Variants in CRYBG2 observed in about 807,000 individuals in gnomAD.
CRYBG2 encodes crystallin beta-gamma domain containing 2.
Under a neutral mutation model 153.4 loss-of-function variants are expected in CRYBG2, and 106 were observed. The observed-to-expected ratio is 0.69, with a 90% CI of 0.59 to 0.81. The LOEUF (loss-of-function observed/expected upper bound fraction) is 0.81. CRYBG2 is among the 30% of genes least tolerant of loss of function. CRYBG2 has a pLI of 0.00. For synonymous variants in CRYBG2, 851 were observed against 877.8 expected (o/e 0.97, Z 0.54); for missense variants, 1,996 against 2,112.0 (o/e 0.95, Z 1.08).
Position 26,337,949 on chromosome 1 carries a change from A to G in CRYBG2, c.3507+63T>C. 4 of 1,582,476 alleles carry G rather than the reference A, an allele frequency of 2.5e-6. No homozygotes were observed. In the South Asian group the frequency reaches 4.6e-5, roughly 18 times the overall value. ...CTCTGGATTTCCTGTCCAGACCACG[A>G]TAACCAAACACCTGCACCCCGCCAC... On this transcript the variant is annotated intron_variant, in intron 8 of 19. Transcript: ENST00000308182.
At chr1:26,337,468 A>T in intron 9 of CRYBG2, 70 bp downstream of exon 9, 1 of 1,602,122 alleles carries the variant, frequency 6.2e-7, no homozygotes, top group Non-Finnish European at 8.5e-7. Flanking sequence ...TACGCAGCCC[A>T]GGTCACTCCC....
rs2124031763 is a variant in CRYBG2 at position 26,345,913 on chromosome 1, G to A, written c.745C>T (p.Pro249Ser). 6.3e-7 allele frequency: 1 copy of A among 1,597,248 alleles called. No homozygotes were observed. Residue 249 changes from proline (P) to serine (S), a missense_variant, in exon 2 of 20, where the codon CCT becomes TCT. By Grantham distance (74) the Pro-to-Ser change is moderately conservative. Coordinates refer to ENST00000308182, the MANE Select transcript of CRYBG2 (RefSeq NM_001039775.4). Reference sequence around the variant, plus strand: ...GTGGGCCTGGGCAGGTGACTGGCAGGGGGGCTGTGCCCAGCAGGCACGAGG... The same window carrying A: ...GTGGGCCTGGGCAGGTGACTGGCAGAGGGGCTGTGCCCAGCAGGCACGAGG... The part of the protein sequence containing the change: ...SNLVPAGHSP[P>S]ASHLPRPTAG...
chr1:26,324,270 C>T lies in CRYBG2; in HGVS notation c.4619G>A (p.Gly1540Glu), dbSNP rs374670768. The change falls in exon 18 of 20, where the codon GGA (glycine) becomes GAA (glutamate). Residue 1540 changes from glycine to glutamate, a missense_variant. By Grantham distance (98) the Gly-to-Glu change is moderately conservative. Transcript: ENST00000308182. ...CACATGGTCCGGCACTGCCAGGAAT[C>T]CCCCCAGTGCTGCATTCCAGAGGCG... The part of the protein sequence containing the change: ...YFRLWNAALG[G>E]FLAVPDHVED... 24 of 1,610,608 alleles carry T rather than the reference C, an allele frequency of 1.5e-5. No homozygotes were observed. The highest frequency in any genetic ancestry group is 5.5e-5 in the South Asian group (5 of 91,058).
chr1:26,323,152 C>T (rs1244385745), intron 18 of CRYBG2, among the ~76,000 whole-genome samples: 1 of 151,382 alleles, frequency 6.6e-6, no homozygotes, highest in Non-Finnish European at 1.5e-5. Context: ...GTGATCATAG[C>T]TTACCGCAGC....
At chr1:26,323,710 C>T (rs1185649116) in intron 18 of CRYBG2, among the ~76,000 whole-genome samples, 1 of 152,002 alleles carries the variant, frequency 6.6e-6, no homozygotes, top group Non-Finnish European at 1.5e-5. Flanking sequence ...CCTCTAACTC[C>T]TGGGCTCAAG....
At chr1:26,330,610 C>T (rs1443559270) in intron 15 of CRYBG2, among the ~76,000 whole-genome samples, 7 of 138,482 alleles carry the variant, frequency 5.1e-5, no homozygotes, top group Non-Finnish European at 1.1e-4. Flanking sequence ...GTTATCAGGG[C>T]TAACTGCAAC....
rs564566643 is a variant in CRYBG2 at position 26,324,316 on chromosome 1, G to A, written c.4579-6C>T. 1.1e-4 allele frequency: 175 copies of A among 1,600,060 alleles called. No homozygotes were observed. Among genetic ancestry groups the A allele is most frequent in the Middle Eastern group, 9.9e-4 (6 of 6,044 alleles). On this transcript the variant is annotated splice_region_variant and splice_polypyrimidine_tract_variant and intron_variant, in intron 17 of 19. Coordinates refer to ENST00000308182, the MANE Select transcript of CRYBG2 (RefSeq NM_001039775.4). ...AGGCGGAAATAAACCCGGCGCTGGT[G>A]GCAGAAAGAGGCTGAGAGTCAGGGG...
intron 1 of CRYBG2, among the ~76,000 whole-genome samples, chr1:26,352,812 C>A (rs929700488): frequency 6.7e-6 from 1 of 149,630 alleles, no homozygotes; most frequent in Admixed American, 6.6e-5. Context: ...CTCTCTGCAG[C>A]CCTTGTCCCC....
chr1:26,341,042 T>G, intron 5 of CRYBG2, among the ~76,000 whole-genome samples: 1 of 151,768 alleles, frequency 6.6e-6, no homozygotes, highest in Non-Finnish European at 1.5e-5. Flanking sequence ...ATTCTTTCAT[T>G]AGAAACGAAA....
chr1:26,331,399 C>G, intron 15 of CRYBG2, 90 bp downstream of exon 15: 2 of 1,538,378 alleles, frequency 1.3e-6, no homozygotes, highest in Admixed American at 3.5e-5. Context: ...GGAATCAACC[C>G]CTGCACCAGC....
Position 26,346,145 on chromosome 1 carries a change from T to C in CRYBG2, c.513A>G (p.Glu171=), listed in dbSNP as rs749567046. The C allele has an allele frequency of 1.3e-6, 2 of 1,558,846 alleles. No individual in the cohort carries two copies. The highest frequency in any genetic ancestry group is 1.7e-6 in the Non-Finnish European group (2 of 1,157,526). Reference sequence around the variant, plus strand: ...TCCGCACAGTGCGTGTCACTCGGTATTCCTCGAGGCTCCGGGAGCTACCAC... The same window carrying C: ...TCCGCACAGTGCGTGTCACTCGGTACTCCTCGAGGCTCCGGGAGCTACCAC... ...LTSGSSRSLE[E]YRVTRTVRTT... Residue 171 remains glutamate (E), a synonymous_variant, in exon 2 of 20, where the codon GAA becomes GAG. Coordinates refer to ENST00000308182, the MANE Select transcript of CRYBG2 (RefSeq NM_001039775.4). This position sits in a 1 kb window ranked among gnomAD's most constrained non-coding sequence, Gnocchi z 4.9.
intron 15 of CRYBG2, among the ~76,000 whole-genome samples, chr1:26,329,871 A>T (rs924742300): frequency 4.6e-5 from 7 of 152,106 alleles, no homozygotes; most frequent in Admixed American, 4.6e-4. Flanking sequence ...TCAGCCTCCC[A>T]AGTAGCTGGG....
At position 26,345,402 on chromosome 1, in the gene CRYBG2, G is replaced by A. The variant is rs1404635243; in HGVS notation, c.1256C>T (p.Pro419Leu). Residue 419 changes from proline to leucine, a missense_variant, in exon 2 of 20, where the codon CCT (proline) becomes CTT (leucine). By Grantham distance (98) the Pro-to-Leu change is moderately conservative. Coordinates refer to ENST00000308182, the MANE Select transcript of CRYBG2 (RefSeq NM_001039775.4). ...CCTTCTTGTAGTGGATGGAGCAGGA[G>A]GTTGTCCAGGGACTGTCACATGCTC... ...RSEHVTVPGQ[P>L]PAPSTTRRKD... is the part of the protein sequence containing the mutation. 1.9e-6 allele frequency: 3 copies of A among 1,612,390 alleles called. No individual in the cohort carries two copies. Among genetic ancestry groups the A allele is most frequent in the East Asian group, 2.2e-5 (1 of 44,892 alleles).
chr1:26,328,273 T>C lies in CRYBG2; in HGVS notation c.4514A>G (p.Glu1505Gly), dbSNP rs756617839. 1 of 1,567,600 alleles carries C rather than the reference T, an allele frequency of 6.4e-7. No individual in the cohort carries two copies. The highest frequency in any genetic ancestry group is 8.7e-7 in the Non-Finnish European group (1 of 1,155,946). ...RGRQWLVGSC[E>G]ITNWLTYSGT... ...GCTGTAGGTCAGCCAGTTGGTGATC[T>C]CGCAGCTTCCCACCAGCCACTGGCG... Residue 1505 changes from glutamate to glycine, a missense_variant, in exon 17 of 20, where the codon GAG becomes GGG. Transcript: ENST00000308182.
chr1:26,344,138 A>G lies in CRYBG2; in HGVS notation c.2520T>C (p.Ser840=), dbSNP rs1439229320. ...GCCTGCGCTGGAGCTTCTCATCGTC[A>G]CTCAGATAGGGGTTCTCTGGTTCCT... is the stretch of plus-strand genomic sequence containing the variant. ...EEEEPENPYL[S]DDEKLQRRQE... Residue 840 remains serine (S), a synonymous_variant, in exon 2 of 20, where the codon AGT becomes AGC. Coordinates refer to ENST00000308182, the MANE Select transcript of CRYBG2 (RefSeq NM_001039775.4). The G allele has an allele frequency of 1.3e-6, 2 of 1,535,652 alleles. No homozygotes were observed. The highest frequency in any genetic ancestry group is 1.7e-6 in the Non-Finnish European group (2 of 1,146,722).
chr1:26,338,566 AAGG>A, intron 6 of CRYBG2, 89 bp from the exon 7 acceptor site: 2 of 1,401,088 alleles, frequency 1.4e-6, no homozygotes, highest in Non-Finnish European at 1.9e-6. Context: ...TAGAGTGGAA[AAGG>A]AGGTTTTCTG....
chr1:26,328,296 G>T lies in CRYBG2; in HGVS notation c.4491C>A (p.Arg1497=). The stretch of plus-strand genomic sequence containing the variant: ...TCTCGCAGCTTCCCACCAGCCACTG[G>T]CGGCCCCGGAAGTCACTGTGTTCAC... ...VLCEHSDFRG[R]QWLVGSCEIT... is the part of the protein sequence containing the mutation. Residue 1497 remains arginine (R), a synonymous_variant, in exon 17 of 20, where the codon CGC becomes CGA. Coordinates refer to ENST00000308182, the MANE Select transcript of CRYBG2 (RefSeq NM_001039775.4). The T allele has an allele frequency of 6.4e-7, 1 of 1,571,398 alleles. No individual in the cohort carries two copies. Among genetic ancestry groups the T allele is most frequent in the East Asian group, 2.4e-5 (1 of 42,322 alleles).
chr1:26,339,328 C>A lies in CRYBG2; in HGVS notation c.3306G>T (p.Lys1102Asn). 6.2e-7 allele frequency: 1 copy of A among 1,614,218 alleles called. No homozygotes were observed. The change falls in exon 6 of 20, where the codon AAG (lysine) becomes AAT (asparagine). Residue 1102 changes from lysine (K) to asparagine (N), a missense_variant. By Grantham distance (94) the Lys-to-Asn change is moderately conservative (BLOSUM62 0). Coordinates refer to ENST00000308182, the MANE Select transcript of CRYBG2 (RefSeq NM_001039775.4). The part of the protein sequence containing the change: ...EALKNSQGLE[K>N]PLQVASATVS... ...CGGTGGCAGATGCCACCTGCAGGGG[C>A]TTCTCCAGACCCTGGGAATTCTTCA...
rs2074212046 is a variant in CRYBG2, at chr1:26,345,965, G to C, written c.693C>G (p.Arg231=). The C allele has an allele frequency of 6.3e-7, 1 of 1,593,682 alleles. No homozygotes were observed. The change falls in exon 2 of 20, where the codon CGC becomes CGG. Residue 231 remains arginine (R), a synonymous_variant. Coordinates refer to ENST00000308182, the MANE Select transcript of CRYBG2 (RefSeq NM_001039775.4). ...VVGSPPGSPS[R]SQAVKVLSNL... Reference sequence around the variant, plus strand: ...TACTTAGCACTTTCACGGCCTGGCTGCGGCTGGGCGAGCCTGGTGGGGAGC... The same window carrying C: ...TACTTAGCACTTTCACGGCCTGGCTCCGGCTGGGCGAGCCTGGTGGGGAGC...
Sources: gnomAD v4.1 joint callset for allele counts (sites outside exome capture counted in the v4.1 genomes callset) on GRCh38, gnomAD v4.1.1 for gene constraint, Gnocchi (gnomAD v3.1) non-coding constraint, MANE v1.5 for transcripts, NCBI Gene and HGNC (gene_info 2026-07-23, HGNC 2026-07-21) for gene names.